CAPN2: variants seen among roughly 807,000 people sequenced by gnomAD.
CAPN2 encodes the protein calpain-2 catalytic subunit.
In CAPN2, 92 loss-of-function variants were observed where a neutral mutation model predicts 102.3. The observed-to-expected ratio is 0.90, with a 90% CI of 0.76 to 1.07. CAPN2 has a LOEUF of 1.07. Ranked by LOEUF, CAPN2 falls within the 50% of genes least tolerant of loss-of-function variation. CAPN2 has a pLI of 0.00. For missense variants in CAPN2, 800 were observed against 909.4 expected (o/e 0.88, Z 1.55); for synonymous variants, 340 against 355.4 (o/e 0.96, Z 0.49).
intron 1 of CAPN2, among the ~76,000 whole-genome samples, chr1:223,713,260 G>C (rs901327865): frequency 2.6e-5 from 4 of 152,202 alleles, no homozygotes; most frequent in African/African-American, 9.6e-5. Context: ...CTGCAGGGAA[G>C]GGACGGTGAG....
rs948929289 is a variant in CAPN2, at chr1:223,764,150, G to A, written c.1633G>A (p.Asp545Asn). The A allele has an allele frequency of 1.1e-5, 18 of 1,613,536 alleles. No homozygotes were observed. The highest frequency in any genetic ancestry group is 1.7e-5 in the Admixed American group (1 of 59,992). The change falls in exon 15 of 21, where the codon GAT becomes AAT. Residue 545 changes from aspartate to asparagine, a missense_variant and splice_region_variant. By Grantham distance (23) the Asp-to-Asn change is conservative. Coordinates refer to ENST00000295006, the MANE Select transcript of CAPN2 (RefSeq NM_001748.5). ...CTATGCTCTGGTTATGTGTCCACAG[G>A]ATGCGGAGATCTCTGCCTTTGAGCT... ...RRLFAQLAGE[D>N]AEISAFELQT...
chr1:223,766,364 T>C lies in CAPN2; in HGVS notation c.1691-3T>C. The C allele has an allele frequency of 6.2e-7, 1 of 1,612,784 alleles. No individual in the cohort carries two copies. Among genetic ancestry groups the C allele is most frequent in the Non-Finnish European group, 8.5e-7 (1 of 1,178,764 alleles). On this transcript the variant is annotated splice_polypyrimidine_tract_variant and splice_region_variant and intron_variant, in intron 15 of 20. Transcript: ENST00000295006. ...TTCCTGTCACACTGATTTTGTCTTT[T>C]AGGCCAAGATATCAAGTCAGATGGC...
upstream of CAPN2, among the ~76,000 whole-genome samples, chr1:223,708,860 A>C (rs981536754): frequency 3.9e-5 from 6 of 152,054 alleles, no homozygotes; most frequent in African/African-American, 1.4e-4. Flanking sequence ...AAAAATAGAG[A>C]AAAAGAGAAG....
At position 223,749,047 on chromosome 1, in the gene CAPN2, C is replaced by T. The variant is rs761133559; in HGVS notation, c.738C>T (p.Ser246=). 8.1e-6 allele frequency: 13 copies of T among 1,613,924 alleles called. No homozygotes were observed. The highest frequency in any genetic ancestry group is 1.1e-5 in the Non-Finnish European group (13 of 1,179,808). ...SLLGCSIDIT[S]AADSEAITFQ... is the part of the protein sequence containing the mutation. ...GGTTGCTGTGTTTGCAGATCACCAG[C>T]GCCGCGGACTCGGAGGCCATCACGT... The change falls in exon 6 of 21, where the codon AGC becomes AGT. Residue 246 remains serine (S), a synonymous_variant. Coordinates refer to ENST00000295006, the MANE Select transcript of CAPN2 (RefSeq NM_001748.5).
At chr1:223,733,672 G>A (rs766211247) in intron 2 of CAPN2, among the ~76,000 whole-genome samples, 1 of 152,170 alleles carries the variant, frequency 6.6e-6, no homozygotes, top group South Asian at 2.1e-4. Context: ...TCTTGGAAGG[G>A]GAAGGCTGCT....
chr1:223,712,556 G>T lies in CAPN2; in HGVS notation c.-85G>T, dbSNP rs1347965477. 8 of 1,314,762 alleles carry T rather than the reference G, an allele frequency of 6.1e-6. No homozygotes were observed. In the African/African-American group the frequency reaches 9.4e-5, roughly 15 times the overall value. 81.4% of individuals were successfully genotyped at this position (1,314,762 alleles called of 1,614,324 possible). A position where few individuals can be genotyped will look rare whatever the true frequency, so the allele number is the denominator to read the frequency against. ...GCGCCCGCAGTGGCCGCAGCAGCGC[G>T]CCGGGCCCTGGCCGCGCCCCAGCCG... On this transcript the variant is annotated 5_prime_UTR_variant, in exon 1 of 21. Coordinates refer to ENST00000295006, the MANE Select transcript of CAPN2 (RefSeq NM_001748.5).
intron 15 of CAPN2, 95 bp downstream of exon 15, chr1:223,764,302 T>G: frequency 9.6e-7 from 1 of 1,044,632 alleles, no homozygotes; most frequent in East Asian, 2.4e-5. Context: ...CTGGCTGCTG[T>G]GACTAAACCA....
chr1:223,717,879 G>A (rs773994562), intron 2 of CAPN2, 48 bp downstream of exon 2: 2 of 1,431,276 alleles, frequency 1.4e-6, no homozygotes, highest in Admixed American at 1.7e-5. Flanking sequence ...CTGTAAGGCT[G>A]TGGGTGGAAG....
At chr1:223,773,554 G>A (rs1428610469) in intron 20 of CAPN2, among the ~76,000 whole-genome samples, 3 of 152,168 alleles carry the variant, frequency 2.0e-5, no homozygotes, top group South Asian at 2.1e-4. Context: ...TTAGCCAGGC[G>A]TGGTGACACA....
Position 223,757,370 on chromosome 1 carries a change from T to A in CAPN2, c.1307T>A (p.Val436Asp). ...MHTIGFGIYEVPEELSGQTNI... is the reference protein window; with the variant it reads ...MHTIGFGIYEDPEELSGQTNI... The stretch of plus-strand genomic sequence containing the variant: ...AATTGCATCTCCTTTATTTTGCAGG[T>A]TCCAGAGGAGGTACGTCTGGCCCAT... The change falls in exon 11 of 21, where the codon GTT becomes GAT. Residue 436 changes from valine to aspartate, a missense_variant and splice_region_variant. By Grantham distance (152) the Val-to-Asp change is radical. Transcript: ENST00000295006. 6.2e-7 allele frequency: 1 copy of A among 1,614,216 alleles called. No individual in the cohort carries two copies. Among genetic ancestry groups the A allele is most frequent in the Non-Finnish European group, 8.5e-7 (1 of 1,180,040 alleles).
intron 1 of CAPN2, 52 bp downstream of exon 1, chr1:223,712,929 G>T (rs1172139038): frequency 7.9e-7 from 1 of 1,269,052 alleles, no homozygotes; most frequent in Non-Finnish European, 1.0e-6. Flanking sequence ...GGCAGGGCGG[G>T]GTGCAGGCCG....
At position 223,712,766 on chromosome 1, in the gene CAPN2, C is replaced by T; in HGVS notation, c.126C>T (p.Ala42=). ...YEALRNECLE[A]GTLFQDPSFP... ...CGCTGCGGAACGAGTGCCTGGAGGC[C>T]GGGACGCTCTTCCAGGACCCGTCCT... The change falls in exon 1 of 21, where the codon GCC becomes GCT. Residue 42 remains alanine, a synonymous_variant. Transcript: ENST00000295006. 1 of 1,580,566 alleles carries T rather than the reference C, an allele frequency of 6.3e-7. No homozygotes were observed. The highest frequency in any genetic ancestry group is 2.4e-5 in the East Asian group (1 of 41,170).
At chr1:223,721,457 C>T (rs1374050979) in intron 2 of CAPN2, among the ~76,000 whole-genome samples, 2 of 152,240 alleles carry the variant, frequency 1.3e-5, no homozygotes. Context: ...GGCAGCTACC[C>T]CAGCCAGGAA....
In CAPN2 at chr1:223,754,289, T is replaced by C. The variant is rs1055315119; in HGVS notation, c.1136-1191T>C. ...GGGGCTCGGACTCCTTCACCTCAAG[T>C]ATGCAGCCACCAAGTGGCAGTCCCA... On this transcript the variant is annotated intron_variant, in intron 9 of 20. Coordinates refer to ENST00000295006, the MANE Select transcript of CAPN2 (RefSeq NM_001748.5). The surrounding 1 kb of genome is among the most constrained non-coding windows in gnomAD (Gnocchi z 4.7). Among the ~76,000 whole-genome samples the C allele has an allele frequency of 6.6e-6, 1 of 152,128 alleles. No homozygotes were observed. Among genetic ancestry groups the C allele is most frequent in the Admixed American group, 6.5e-5 (1 of 15,274 alleles).
chr1:223,758,151 T>C (rs992860222), intron 11 of CAPN2: 2 of 152,214 alleles, frequency 1.3e-5, no homozygotes, highest in African/African-American at 4.8e-5. Flanking sequence ...GTAGCCACCG[T>C]GCCTGGCTGC....
In CAPN2 at chr1:223,756,600, G is replaced by A. The variant is rs552510473; in HGVS notation, c.1306-769G>A. On this transcript the variant is annotated intron_variant, in intron 10 of 20. Coordinates refer to ENST00000295006, the MANE Select transcript of CAPN2 (RefSeq NM_001748.5). The surrounding 1 kb of genome is among the most constrained non-coding windows in gnomAD (Gnocchi z 4.1). Reference sequence around the variant, plus strand: ...AGCACACCCCTGGGAGAATCCAGACGAGGTGTCAGGAGAGGAGGCTCTGTG... The same window carrying A: ...AGCACACCCCTGGGAGAATCCAGACAAGGTGTCAGGAGAGGAGGCTCTGTG... Among the ~76,000 whole-genome samples the A allele has an allele frequency of 2.6e-5, 4 of 152,288 alleles. No individual in the cohort carries two copies. The highest frequency in any genetic ancestry group is 6.8e-3 in the Middle Eastern group (2 of 294).
chr1:223,722,281 C>CTTTT (rs34894876), intron 2 of CAPN2, among the ~76,000 whole-genome samples: 309 of 85,450 alleles, frequency 3.6e-3, no homozygotes, highest in Middle Eastern at 7.7e-3. Flanking sequence ...TTCTTTCTTT[C>CTTTT]TTTTTTTTTT....
chr1:223,750,817 G>T (rs914399034), intron 6 of CAPN2, 73 bp from the exon 7 acceptor site: 2 of 1,400,030 alleles, frequency 1.4e-6, no homozygotes, highest in East Asian at 2.5e-5. Flanking sequence ...GCGGAAGGGG[G>T]TTGGAGGCCC....
intron 2 of CAPN2, among the ~76,000 whole-genome samples, chr1:223,741,204 G>T (rs1251251848): frequency 6.6e-6 from 1 of 151,944 alleles, no homozygotes; most frequent in Non-Finnish European, 1.5e-5. Flanking sequence ...ATAAAGGAAA[G>T]AAGTCAGTTG....
Sources: gnomAD v4.1 joint callset for allele counts (sites outside exome capture counted in the v4.1 genomes callset) on GRCh38, gnomAD v4.1.1 for gene constraint, Gnocchi (gnomAD v3.1) non-coding constraint, MANE v1.5 for transcripts, NCBI Gene and HGNC (gene_info 2026-07-23, HGNC 2026-07-21) for gene names.